The following TMEM154 variants were observed in gnomAD, a reference collection of about 807,000 sequenced individuals.
The protein encoded by TMEM154 is transmembrane protein 154.
TMEM154 carries 27 observed loss-of-function variants against 24.5 expected under a neutral mutation model. The ratio of observed to expected loss-of-function variants is 1.10; its 90% CI spans 0.81 to 1.52. The LOEUF (loss-of-function observed/expected upper bound fraction) is 1.52, where lower values mean the gene tolerates loss of function less well. Ranked by LOEUF, TMEM154 falls within the 40% of genes most tolerant of loss-of-function variation. TMEM154 has a pLI of 0.00. For synonymous variants in TMEM154, 67 were observed against 76.8 expected, an observed-to-expected ratio of 0.87 and a Z score of 0.67; for missense variants, 228 against 213.4, an observed-to-expected ratio of 1.07 and a Z score of -0.43.
Position 152,623,322 on chromosome 4 carries a change from T to A in TMEM154, c.*5224A>T, listed in dbSNP as rs867114110. ...TTTTCAGTTAACTTTAAATACAAGA[T>A]ACACATGTGTTAAATTATTACTAAT... On this transcript the variant is annotated 3_prime_UTR_variant, in exon 7 of 7. Transcript: ENST00000304385. 1 of 152,104 alleles carries A rather than the reference T, an allele frequency of 6.6e-6. No homozygotes were observed. Among genetic ancestry groups the A allele is most frequent in the Non-Finnish European group, 1.5e-5 (1 of 68,006 alleles). 9.4% of individuals were successfully genotyped at this position (152,104 alleles called of 1,614,324 possible).
Position 152,628,177 on chromosome 4 carries a change from T to C in TMEM154, c.*369A>G. ...TAAAACAGCTTCCTGATTTAGGCCC[T>C]AAGGAATGAAGCAGAAAGGTGACGA... On this transcript the variant is annotated 3_prime_UTR_variant, in exon 7 of 7. Coordinates refer to ENST00000304385, the MANE Select transcript of TMEM154 (RefSeq NM_152680.3). The C allele has an allele frequency of 3.9e-6, 1 of 259,656 alleles. No individual in the cohort carries two copies. The allele number at this position is 259,656 out of a possible 1,614,324, so 16.1% of individuals were successfully genotyped here.
intron 6 of TMEM154, among the ~76,000 whole-genome samples, chr4:152,636,735 C>T (rs1428322958): frequency 3.3e-5 from 5 of 152,164 alleles, no homozygotes; most frequent in African/African-American, 1.2e-4. Context: ...ACTCCCTTTT[C>T]CCAGAAGCAT....
intron 6 of TMEM154, among the ~76,000 whole-genome samples, chr4:152,633,371 T>G (rs765161832): frequency 9.2e-5 from 14 of 152,260 alleles, no homozygotes; most frequent in Non-Finnish European, 1.6e-4. Flanking sequence ...GGACCTGGCC[T>G]GCCACTTGTG....
At chr4:152,643,579 A>G (rs924021033) in intron 4 of TMEM154, among the ~76,000 whole-genome samples, 9 of 152,218 alleles carry the variant, frequency 5.9e-5, no homozygotes, top group Non-Finnish European at 1.3e-4. Context: ...TCAGTGCCCC[A>G]GGTCAAGAGG....
Position 152,627,289 on chromosome 4 carries a change from T to C in TMEM154, c.*1257A>G, listed in dbSNP as rs1356071481. The C allele has an allele frequency of 2.0e-5, 3 of 152,248 alleles. No homozygotes were observed. Among genetic ancestry groups the C allele is most frequent in the African/African-American group, 4.8e-5 (2 of 41,470 alleles). The allele number at this position is 152,248 out of a possible 1,614,324, so 9.4% of individuals were successfully genotyped here. On this transcript the variant is annotated 3_prime_UTR_variant, in exon 7 of 7. Transcript: ENST00000304385. ...GGTAGTCCCATCTCCCTTCGGTTTATATGTGGGTAGTAAAATAAATAAAAT... is the reference window on the plus strand; with the variant it reads ...GGTAGTCCCATCTCCCTTCGGTTTACATGTGGGTAGTAAAATAAATAAAAT...
chr4:152,644,377 A>AC, intron 4 of TMEM154, 38 bp downstream of exon 4: 1 of 1,612,458 alleles, frequency 6.2e-7, no homozygotes, highest in Non-Finnish European at 8.5e-7. Flanking sequence ...GTTGCTGTTC[A>AC]CACCCCAGGT....
intron 6 of TMEM154, among the ~76,000 whole-genome samples, chr4:152,634,824 TG>T (rs1176911149): frequency 6.6e-6 from 1 of 152,208 alleles, no homozygotes; most frequent in Non-Finnish European, 1.5e-5. Context: ...TGACTTACAG[TG>T]GTTAACTTAC....
Position 152,619,355 on chromosome 4 carries a change from T to G in TMEM154, c.*9191A>C, listed in dbSNP as rs985063972. ...CCTTGACACGAAACTACCTAATATATTTCCTCGATATTGCATGAAGACACA... is the reference window on the plus strand; with the variant it reads ...CCTTGACACGAAACTACCTAATATAGTTCCTCGATATTGCATGAAGACACA... On this transcript the variant is annotated 3_prime_UTR_variant, in exon 7 of 7. Transcript: ENST00000304385. 5.3e-5 allele frequency: 8 copies of G among 152,206 alleles called. No homozygotes were observed. Among genetic ancestry groups the G allele is most frequent in the African/African-American group, 1.9e-4 (8 of 41,458 alleles). 9.4% of individuals were successfully genotyped at this position (152,206 alleles called of 1,614,324 possible).
chr4:152,675,600 C>G (rs981385705), intron 1 of TMEM154, among the ~76,000 whole-genome samples: 5 of 151,916 alleles, frequency 3.3e-5, no homozygotes, highest in African/African-American at 1.2e-4. Context: ...GCACTCCAGC[C>G]TGGGCAACGA....
intron 1 of TMEM154, among the ~76,000 whole-genome samples, chr4:152,677,849 C>T (rs1353697161): frequency 6.6e-6 from 1 of 152,118 alleles, no homozygotes; most frequent in East Asian, 1.9e-4. Context: ...TTATGCTGAG[C>T]CCTTACAGGA....
intron 1 of TMEM154, among the ~76,000 whole-genome samples, chr4:152,653,208 C>T (rs866035933): frequency 1.2e-4 from 18 of 152,082 alleles, no homozygotes; most frequent in South Asian, 4.1e-4. Flanking sequence ...AAAGTGGATT[C>T]GGAAGCTTCC....
chr4:152,679,789 C>T, intron 1 of TMEM154, 81 bp downstream of exon 1: 1 of 1,547,358 alleles, frequency 6.5e-7, no homozygotes, highest in South Asian at 1.2e-5. Context: ...GTCACCCTCC[C>T]CGGCAGAGTT....
intron 1 of TMEM154, among the ~76,000 whole-genome samples, chr4:152,667,777 G>C (rs566374822): frequency 1.3e-5 from 2 of 152,250 alleles, no homozygotes; most frequent in Non-Finnish European, 2.9e-5. Flanking sequence ...GATAACTAGA[G>C]GTGATGATGC....
chr4:152,667,171 A>G (rs1164831350), intron 1 of TMEM154: 2 of 152,264 alleles, frequency 1.3e-5, no homozygotes, highest in African/African-American at 4.8e-5. Flanking sequence ...GAAATGTCCA[A>G]TAGGCCTGGT....
chr4:152,661,636 T>C lies in TMEM154; in HGVS notation c.65-8709A>G, dbSNP rs73863183. On this transcript the variant is annotated intron_variant, in intron 1 of 6. Coordinates refer to ENST00000304385, the MANE Select transcript of TMEM154 (RefSeq NM_152680.3). The stretch of plus-strand genomic sequence containing the variant: ...GGTCATAGCTCTGCCACTTTGTACT[T>C]ATAGAATTTGGACAAATTACTTTTC... 8.9e-4 allele frequency among the ~76,000 whole-genome samples: 136 copies of C among 152,312 alleles called. 1 individual carries two copies. The highest frequency in any genetic ancestry group is 3.2e-3 in the African/African-American group (133 of 41,576).
intron 1 of TMEM154, among the ~76,000 whole-genome samples, chr4:152,674,549 C>A (rs1412463442): frequency 6.6e-6 from 1 of 152,170 alleles, no homozygotes; most frequent in Admixed American, 6.5e-5. Context: ...CAGCTTACCC[C>A]CTCATGGAGG....
intron 6 of TMEM154, among the ~76,000 whole-genome samples, chr4:152,640,293 T>C (rs1371008183): frequency 6.6e-6 from 1 of 152,194 alleles, no homozygotes; most frequent in East Asian, 1.9e-4. Flanking sequence ...GTCCCCAACC[T>C]TCTGAACCAT....
At chr4:152,643,051 G>A in intron 5 of TMEM154, 37 bp downstream of exon 5, 1 of 1,481,572 alleles carries the variant, frequency 6.7e-7, no homozygotes, top group Non-Finnish European at 9.4e-7. Flanking sequence ...TGTTACTAGA[G>A]AGGAAAGAAA....
At chr4:152,673,243 A>C (rs181344065) in intron 1 of TMEM154, among the ~76,000 whole-genome samples, 87 of 152,178 alleles carry the variant, frequency 5.7e-4, no homozygotes, top group Non-Finnish European at 1.0e-4. Flanking sequence ...TATTCTATGC[A>C]TAGTAATCCT....
Sources: gnomAD v4.1 joint callset for allele counts (sites outside exome capture counted in the v4.1 genomes callset) on GRCh38, gnomAD v4.1.1 for gene constraint, MANE v1.5 for transcripts, NCBI Gene and HGNC (gene_info 2026-07-23, HGNC 2026-07-21) for gene names.